NBAS: variants seen among roughly 807,000 people sequenced by gnomAD.
NBAS encodes the protein NAG/BC035112 fusion.
A neutral mutation model predicts 302.5 loss-of-function variants in NBAS; 219 were observed. That is an observed-to-expected ratio of 0.72 (90% CI 0.65 to 0.81). The LOEUF (loss-of-function observed/expected upper bound fraction) is 0.81, where lower values mean the gene tolerates loss of function less well. NBAS is among the 30% of genes least tolerant of loss of function. The pLI, the probability that NBAS is intolerant of heterozygous loss-of-function variation, is 0.00. For synonymous variants in NBAS, 1,118 were observed against 1,021.6 expected (o/e 1.09, Z -1.80); for missense variants, 2,932 against 2,841.6 (o/e 1.03, Z -0.72).
intron 47 of NBAS, among the ~76,000 whole-genome samples, chr2:15,226,074 T>C: frequency 6.6e-6 from 1 of 152,310 alleles, no homozygotes; most frequent in African/African-American, 2.4e-5. Context: ...GAATTAAGTG[T>C]GAGAAGCACT....
At chr2:15,406,822 T>G (rs1676438829) in intron 25 of NBAS, among the ~76,000 whole-genome samples, 2 of 152,112 alleles carry the variant, frequency 1.3e-5, no homozygotes, top group Non-Finnish European at 2.9e-5. Flanking sequence ...AAGCACAAAT[T>G]GAAACAACAC....
the NBAS span, among the ~76,000 whole-genome samples, chr2:14,868,610 C>T: frequency 1.3e-5 from 2 of 152,086 alleles, no homozygotes; most frequent in Non-Finnish European, 2.9e-5. Context: ...ATGTTGCAGC[C>T]CAAGACTCAG....
chr2:14,975,075 G>C, the NBAS span, among the ~76,000 whole-genome samples: 1 of 152,042 alleles, frequency 6.6e-6, no homozygotes, highest in African/African-American at 2.4e-5. Flanking sequence ...CCAGGATGTC[G>C]GTCCTCCAAC....
chr2:14,973,111 C>T, the NBAS span, among the ~76,000 whole-genome samples: 343 of 152,236 alleles, frequency 2.3e-3, no homozygotes, highest in African/African-American at 8.0e-3. Context: ...AGTGACTGAT[C>T]GCAACATAAA....
chr2:14,928,759 G>C, the NBAS span, among the ~76,000 whole-genome samples: 1 of 152,010 alleles, frequency 6.6e-6, no homozygotes, highest in African/African-American at 2.4e-5. Flanking sequence ...AAAGGATCAA[G>C]GGGAAACAAT....
At chr2:15,178,187 T>C in intron 51 of NBAS, 3 of 469,904 alleles carry the variant, frequency 6.4e-6, no homozygotes, top group South Asian at 3.1e-5. Context: ...AAAAATAGCA[T>C]GCATGTGTAT....
the NBAS span, among the ~76,000 whole-genome samples, chr2:14,825,464 C>G: frequency 6.6e-6 from 1 of 152,186 alleles, no homozygotes; most frequent in South Asian, 2.1e-4. Flanking sequence ...AGCTGACTCC[C>G]TGTAGCCCCA....
chr2:15,311,936 C>T (rs1339989524), intron 38 of NBAS, among the ~76,000 whole-genome samples: 1 of 152,104 alleles, frequency 6.6e-6, no homozygotes, highest in Non-Finnish European at 1.5e-5. Flanking sequence ...AGTGGTCTGC[C>T]CCACTGCACC....
intron 9 of NBAS, among the ~76,000 whole-genome samples, chr2:15,516,435 A>G (rs930283525): frequency 6.6e-6 from 1 of 152,114 alleles, no homozygotes; most frequent in Non-Finnish European, 1.5e-5. Context: ...AAAATTTAAA[A>G]TTTCCATCCA....
At chr2:15,447,637 G>C (rs1276014666) in intron 21 of NBAS, among the ~76,000 whole-genome samples, 1 of 152,112 alleles carries the variant, frequency 6.6e-6, no homozygotes, top group Non-Finnish European at 1.5e-5. Context: ...TCAATTAAAA[G>C]TGAAATTTAA....
chr2:15,379,774 G>A lies in NBAS; in HGVS notation c.3418C>T (p.Gln1140Ter). The A allele has an allele frequency of 6.2e-7, 1 of 1,614,054 alleles. No homozygotes were observed. The highest frequency in any genetic ancestry group is 2.2e-5 in the East Asian group (1 of 44,848). The stretch of plus-strand genomic sequence containing the variant: ...GAACAAGCACTGCAGTGCATCATCT[G>A]TCCAGCCAGGTGGATGTTTTCAAGG... The part of the protein sequence containing the change: ...SRLENIHLAG[Q>*]MMHCSACSEN... Residue 1140 changes from glutamine to a stop codon, truncating the protein, a stop_gained, in exon 30 of 52, where the codon CAG (glutamine) becomes TAG (stop). Transcript: ENST00000281513. LOFTEE classifies it high-confidence loss of function.
At chr2:14,786,453 G>T in the NBAS span, among the ~76,000 whole-genome samples, 1 of 152,028 alleles carries the variant, frequency 6.6e-6, no homozygotes, top group African/African-American at 2.4e-5. Context: ...TCTCCTGTGG[G>T]TATTTAGTGC....
intron 31 of NBAS, among the ~76,000 whole-genome samples, chr2:15,368,658 T>C (rs1192644785): frequency 1.3e-5 from 2 of 152,208 alleles, no homozygotes; most frequent in Non-Finnish European, 2.9e-5. Flanking sequence ...GTAGACTGTA[T>C]TACTCTTCCC....
chr2:14,878,052 G>A, the NBAS span, among the ~76,000 whole-genome samples: 2 of 152,108 alleles, frequency 1.3e-5, no homozygotes, highest in Admixed American at 1.3e-4. Flanking sequence ...GTTCACCATG[G>A]GTAAAAGCAC....
At chr2:15,314,331 A>C (rs2148179141) in intron 38 of NBAS, among the ~76,000 whole-genome samples, 1 of 152,344 alleles carries the variant, frequency 6.6e-6, no homozygotes, top group Admixed American at 6.5e-5. Flanking sequence ...GCTGCACTCC[A>C]GCCTGGGCAA....
chr2:15,133,281 T>A, the NBAS span, among the ~76,000 whole-genome samples: 1 of 151,274 alleles, frequency 6.6e-6, no homozygotes, highest in South Asian at 2.1e-4. Flanking sequence ...ACATGAGGTT[T>A]TCAAGAAGAG....
chr2:15,310,901 T>C (rs1671242660), intron 38 of NBAS, among the ~76,000 whole-genome samples: 2 of 152,198 alleles, frequency 1.3e-5, no homozygotes, highest in Admixed American at 1.3e-4. Context: ...CCCAGGCATG[T>C]TTTAGAACAA....
At chr2:15,212,899 G>A (rs1666482665) in intron 48 of NBAS, among the ~76,000 whole-genome samples, 1 of 152,070 alleles carries the variant, frequency 6.6e-6, no homozygotes, top group Non-Finnish European at 1.5e-5. Flanking sequence ...CTATCCAGTT[G>A]CGGGCAGCTC....
chr2:15,470,420 C>T (rs1679907852), intron 16 of NBAS, among the ~76,000 whole-genome samples: 1 of 152,194 alleles, frequency 6.6e-6, no homozygotes, highest in Non-Finnish European at 1.5e-5. Context: ...AATATCAGTG[C>T]CAGCAAACTG....
Sources: allele counts gnomAD v4.1 joint callset (sites outside exome capture counted in the v4.1 genomes callset), GRCh38; gene constraint gnomAD v4.1.1; transcripts MANE v1.5; gene names NCBI Gene and HGNC (gene_info 2026-07-23, HGNC 2026-07-21).